The following MGAT4C variants were observed in gnomAD, a reference collection of about 807,000 sequenced individuals.
MGAT4C encodes MGAT4 family member C, also known as alpha-1,3-mannosyl-glycoprotein 4-beta-N-acetylglucosaminyltransferase C.
A neutral mutation model predicts 40.1 loss-of-function variants in MGAT4C; 19 were observed. The observed-to-expected ratio is 0.47, with a 90% CI of 0.33 to 0.70. The LOEUF (loss-of-function observed/expected upper bound fraction) is 0.70, where lower values mean the gene tolerates loss of function less well. Among genes scored for constraint, MGAT4C ranks in the 30% least tolerant of loss-of-function variants. The probability of loss-of-function intolerance (pLI) is 0.02; values close to 1 mark genes in which losing one functional copy is unlikely to be tolerated. For missense variants in MGAT4C, 491 were observed against 563.2 expected (o/e 0.87, Z 1.30); for synonymous variants, 181 against 187.1 (o/e 0.97, Z 0.27).
intron 2 of MGAT4C, among the ~76,000 whole-genome samples, chr12:86,594,835 C>T (rs1961471453): frequency 1.3e-5 from 2 of 152,200 alleles, no homozygotes; most frequent in Middle Eastern, 3.4e-3. Flanking sequence ...ACAGAGCTTC[C>T]TGCAATTACC....
chr12:86,097,865 A>G (rs1874232951), intron 1 of MGAT4C, among the ~76,000 whole-genome samples: 2 of 151,632 alleles, frequency 1.3e-5, no homozygotes, highest in South Asian at 2.1e-4. Flanking sequence ...ATATGCTACT[A>G]CTGCATCTTC....
chr12:86,222,881 C>T (rs1430133997), intron 1 of MGAT4C, among the ~76,000 whole-genome samples: 2 of 152,076 alleles, frequency 1.3e-5, no homozygotes, highest in Admixed American at 6.5e-5. Flanking sequence ...AAGAAGCTTC[C>T]GGATGTGAGG....
chr12:86,622,852 A>G (rs1962682607), intron 2 of MGAT4C, among the ~76,000 whole-genome samples: 1 of 152,184 alleles, frequency 6.6e-6, no homozygotes. Flanking sequence ...GAGAATTAGT[A>G]GACAAGTATA....
intron 1 of MGAT4C, among the ~76,000 whole-genome samples, chr12:86,756,000 A>C (rs1439729867): frequency 6.6e-6 from 1 of 151,512 alleles, no homozygotes; most frequent in Non-Finnish European, 1.5e-5. Context: ...TTAATATTTT[A>C]AAATATATAT....
intron 2 of MGAT4C, among the ~76,000 whole-genome samples, chr12:86,485,811 T>C (rs1958010145): frequency 6.6e-6 from 1 of 152,004 alleles, no homozygotes; most frequent in Admixed American, 6.6e-5. Flanking sequence ...AAAATAAATC[T>C]TAACAGCAGC....
At chr12:86,609,088 C>T (rs778039717) in intron 2 of MGAT4C, among the ~76,000 whole-genome samples, 1 of 152,064 alleles carries the variant, frequency 6.6e-6, no homozygotes, top group Non-Finnish European at 1.5e-5. Context: ...TTAGGGTACA[C>T]ATTGCAATTA....
rs370910835 is a variant in MGAT4C at position 86,339,822 on chromosome 12, G to A, written c.-119-5695C>T. Among the ~76,000 whole-genome samples the A allele has an allele frequency of 1.7e-3, 256 of 152,086 alleles. 6 individuals carry two copies. In the South Asian group the frequency reaches 0.051, roughly 30 times the overall value. ...AATAGTTTTTCTTTTCCTCAAGTAC[G>A]CCAAACTTTGGCCTTTTTCCTTTCT... On this transcript the variant is annotated intron_variant, in intron 3 of 7. Transcript: ENST00000548651.
Position 85,989,540 on chromosome 12 carries a change from T to C in MGAT4C, c.7A>G (p.Lys3Glu). The change falls in exon 3 of 5, where the codon AAA becomes GAA. Residue 3 changes from lysine to glutamate, a missense_variant. By Grantham distance (56) the Lys-to-Glu change is moderately conservative (BLOSUM62 1). Coordinates refer to ENST00000611864, the MANE Select transcript of MGAT4C (RefSeq NM_001351288.2). Reference protein sequence around the residue: MFKFHQMKHIFEI... With the variant: MFEFHQMKHIFEI... ...AAAATATGTTTCATTTGATGAAATT[T>C]AAACATTCTCTTCTGTGGAAAAGAG... 6.2e-7 allele frequency: 1 copy of C among 1,602,954 alleles called. No individual in the cohort carries two copies. Among genetic ancestry groups the C allele is most frequent in the Non-Finnish European group, 8.5e-7 (1 of 1,174,584 alleles).
intron 4 of MGAT4C, among the ~76,000 whole-genome samples, chr12:86,310,181 G>A (rs10858412): frequency 0.74 from 112,100 of 151,722 alleles, 42,788 homozygotes; most frequent in Non-Finnish European, 0.83. Flanking sequence ...CTGAGGTCAG[G>A]CAGGTAATGT....
At chr12:86,105,301 G>A (rs1419708855) in intron 1 of MGAT4C, among the ~76,000 whole-genome samples, 1 of 152,000 alleles carries the variant, frequency 6.6e-6, no homozygotes, top group Non-Finnish European at 1.5e-5. Context: ...GAATATCAGA[G>A]AATGTCTTAA....
chr12:86,717,511 C>T (rs1211257624), intron 2 of MGAT4C, among the ~76,000 whole-genome samples: 1 of 152,094 alleles, frequency 6.6e-6, no homozygotes, highest in African/African-American at 2.4e-5. Flanking sequence ...GTCAGAAATA[C>T]ATAGCATATT....
intron 1 of MGAT4C, among the ~76,000 whole-genome samples, chr12:86,778,831 C>A (rs1448322971): frequency 1.3e-5 from 2 of 151,914 alleles, no homozygotes; most frequent in Non-Finnish European, 1.5e-5. Flanking sequence ...TAATATAATA[C>A]AAAGACAAAT....
At chr12:86,684,259 CT>C (rs1194495462) in intron 2 of MGAT4C, among the ~76,000 whole-genome samples, 1 of 152,160 alleles carries the variant, frequency 6.6e-6, no homozygotes, top group Non-Finnish European at 1.5e-5. Flanking sequence ...TTCAACCCCA[CT>C]TATGAGTGAA....
intron 1 of MGAT4C, among the ~76,000 whole-genome samples, chr12:86,057,188 C>A (rs898320734): frequency 2.6e-5 from 4 of 151,440 alleles, no homozygotes; most frequent in African/African-American, 7.3e-5. Flanking sequence ...TTATTATTTT[C>A]TTTTTTAGAG....
intron 3 of MGAT4C, among the ~76,000 whole-genome samples, chr12:86,363,897 A>C (rs1430639949): frequency 1.3e-5 from 2 of 152,084 alleles, no homozygotes; most frequent in Non-Finnish European, 2.9e-5. Context: ...TATAAGTTCA[A>C]CAACTTATAG....
intron 2 of MGAT4C, among the ~76,000 whole-genome samples, chr12:86,487,135 G>C (rs1328422743): frequency 6.6e-6 from 1 of 152,124 alleles, no homozygotes; most frequent in African/African-American, 2.4e-5. Context: ...ACAAGCAAAT[G>C]ATGATTTCTT....
chr12:86,338,621 G>A (rs1057072189), intron 3 of MGAT4C, among the ~76,000 whole-genome samples: 1 of 152,128 alleles, frequency 6.6e-6, no homozygotes, highest in Admixed American at 6.5e-5. Context: ...GAGGTTAGTA[G>A]AAAGATGGAG....
intron 2 of MGAT4C, among the ~76,000 whole-genome samples, chr12:86,548,429 G>T (rs1405609189): frequency 1.3e-5 from 2 of 152,030 alleles, no homozygotes; most frequent in East Asian, 1.9e-4. Context: ...CTTAAAAGTT[G>T]TTCTTTCTCT....
chr12:86,207,102 CT>C lies in MGAT4C; in HGVS notation c.-57+49136del, dbSNP rs377345490. Among the ~76,000 whole-genome samples the C allele has an allele frequency of 4.7e-3, 278 of 59,628 alleles. 1 individual carries two copies. The highest frequency in any genetic ancestry group is 0.012 in the African/African-American group (264 of 22,794). The allele number at this position is 59,628 out of a possible 152,430, so 39.1% of individuals were successfully genotyped here. On this transcript the variant is annotated intron_variant, in intron 1 of 4. Coordinates refer to ENST00000611864, the MANE Select transcript of MGAT4C (RefSeq NM_001351288.2). ...CATTAAACAGAACCTATGTTGGACC[CT>C]TTTTTTTCTTTTTTTTTTTTTAGCT...
Sources: gnomAD v4.1 joint callset for allele counts (sites outside exome capture counted in the v4.1 genomes callset) on GRCh38, gnomAD v4.1.1 for gene constraint, MANE v1.5 for transcripts, NCBI Gene and HGNC (gene_info 2026-07-23, HGNC 2026-07-21) for gene names.